The following NOMO2 variants were observed in gnomAD, a reference collection of about 807,000 sequenced individuals.
NOMO2 encodes the protein BOS complex subunit NOMO2.
NOMO2 carries 14 observed loss-of-function variants against 67.1 expected under a neutral mutation model. The ratio of observed to expected loss-of-function variants is 0.21; its 90% CI spans 0.14 to 0.33. NOMO2 has a LOEUF of 0.33. NOMO2 is among the 10% of genes least tolerant of loss of function. NOMO2 has a pLI of 1.00. For synonymous variants in NOMO2, 80 were observed against 305.9 expected, an observed-to-expected ratio of 0.26 and a Z score of 7.71; for missense variants, 178 against 761.0, an observed-to-expected ratio of 0.23 and a Z score of 9.01.
chr16:18,526,218 G>A lies in NOMO2; in HGVS notation c.1894+1319C>T, dbSNP rs573167817. 2.0e-5 allele frequency among the ~76,000 whole-genome samples: 3 copies of A among 152,188 alleles called. No homozygotes were observed. In the East Asian group the frequency reaches 5.8e-4, roughly 29 times the overall value. On this transcript the variant is annotated intron_variant, in intron 16 of 30. Coordinates refer to ENST00000622306, the MANE Select transcript of NOMO2 (RefSeq NM_173614.4). The stretch of plus-strand genomic sequence containing the variant: ...AAAATGCAAAACAAAACCACCATGA[G>A]ACACAACTTCACATCTACCAAGATG...
rs552580034 is a variant in NOMO2 at position 18,560,743 on chromosome 16, A to G, written c.165+1133T>C. ...TATAGGTACAAAAACTGAAACCTAGAGCAAGGGCAGGTCGCAGAGCTGATG... is the reference window on the plus strand; with the variant it reads ...TATAGGTACAAAAACTGAAACCTAGGGCAAGGGCAGGTCGCAGAGCTGATG... On this transcript the variant is annotated intron_variant, in intron 1 of 30. Coordinates refer to ENST00000622306, the MANE Select transcript of NOMO2 (RefSeq NM_173614.4). Among the ~76,000 whole-genome samples, 419 of 151,916 alleles carry G rather than the reference A, an allele frequency of 2.8e-3. 6 individuals are homozygous for G. Among genetic ancestry groups the G allele is most frequent in the African/African-American group, 9.6e-3 (398 of 41,396 alleles).
intron 11 of NOMO2, among the ~76,000 whole-genome samples, chr16:18,535,195 T>C (rs1901389052): frequency 1.4e-5 from 2 of 142,758 alleles, no homozygotes; most frequent in South Asian, 4.9e-4. Flanking sequence ...AATTAGCCTG[T>C]AATCCCAGCT....
At chr16:18,552,469 GCACACACACACACA>G (rs201636709) in intron 3 of NOMO2, among the ~76,000 whole-genome samples, 1 of 97,704 alleles carries the variant, frequency 1.0e-5, no homozygotes, top group South Asian at 4.0e-4. Flanking sequence ...ACGCGTACAT[GCACACACACACACA>G]CACACACACA....
rs1319402330 is a variant in NOMO2 at position 18,544,579 on chromosome 16, T to A, written c.583-810A>T. 3.9e-5 allele frequency among the ~76,000 whole-genome samples: 6 copies of A among 151,910 alleles called. No individual in the cohort carries two copies. The East Asian group carries it at 1.2e-3, about 29-fold the overall frequency. Reference sequence around the variant, plus strand: ...AACGTCCAGCTGTAACCAATCCAACTGTTTCTGTACCTCACTTCCACTTTC... The same window carrying A: ...AACGTCCAGCTGTAACCAATCCAACAGTTTCTGTACCTCACTTCCACTTTC... On this transcript the variant is annotated intron_variant, in intron 6 of 30. Coordinates refer to ENST00000622306, the MANE Select transcript of NOMO2 (RefSeq NM_173614.4).
chr16:18,558,948 G>T, intron 1 of NOMO2: 1 of 447,894 alleles, frequency 2.2e-6, no homozygotes, highest in South Asian at 1.6e-5. Flanking sequence ...AAAGAAGGAG[G>T]ATCACCTGAG....
At chr16:18,526,295 G>A (rs1237276766) in intron 16 of NOMO2, among the ~76,000 whole-genome samples, 3 of 152,068 alleles carry the variant, frequency 2.0e-5, no homozygotes, top group East Asian at 3.8e-4. Context: ...TGAAGAAACC[G>A]GAACCCTCGT....
upstream of NOMO2, chr16:18,562,102 G>A (rs1273963728): frequency 2.2e-6 from 3 of 1,362,354 alleles, no homozygotes; most frequent in East Asian, 3.0e-5. Context: ...CACACTGCAC[G>A]CCGCAGGCTC....
intron 6 of NOMO2, among the ~76,000 whole-genome samples, chr16:18,545,334 G>C (rs894086568): frequency 6.6e-6 from 1 of 151,144 alleles, no homozygotes; most frequent in Admixed American, 6.6e-5. Flanking sequence ...CTGACCTCAA[G>C]TGATCCACCC....
intron 1 of NOMO2, among the ~76,000 whole-genome samples, chr16:18,561,138 G>A (rs1198724769): frequency 1.8e-5 from 2 of 111,754 alleles, no homozygotes; most frequent in Non-Finnish European, 3.4e-5. Context: ...ATCCCACCGG[G>A]CTGATAAACA....
rs954164303 is a variant in NOMO2, at chr16:18,539,710, C to T, written c.964-746G>A. Among the ~76,000 whole-genome samples the T allele has an allele frequency of 4.6e-4, 70 of 151,690 alleles. 1 individual carries two copies. Among genetic ancestry groups the T allele is most frequent in the Middle Eastern group, 3.4e-3 (1 of 294 alleles). On this transcript the variant is annotated intron_variant, in intron 9 of 30. Transcript: ENST00000622306. ...ATGCGGAGGTTGCAGTGAGCCAAGA[C>T]AGTGCCAGCCTGTGTGACGCAGCAA...
chr16:18,540,106 T>A (rs1481907144), intron 9 of NOMO2, among the ~76,000 whole-genome samples: 1 of 151,246 alleles, frequency 6.6e-6, no homozygotes, highest in African/African-American at 2.4e-5. Context: ...CCTGAATGAA[T>A]GAATGTGTGC....
intron 16 of NOMO2, among the ~76,000 whole-genome samples, chr16:18,526,672 G>A (rs1036503660): frequency 1.1e-4 from 16 of 151,494 alleles, no homozygotes; most frequent in Non-Finnish European, 5.9e-5. Flanking sequence ...TACCAGCATC[G>A]TATGATAAAC....
At chr16:18,560,047 G>A (rs1367506422) in intron 1 of NOMO2, among the ~76,000 whole-genome samples, 1 of 151,680 alleles carries the variant, frequency 6.6e-6, no homozygotes, top group African/African-American at 2.4e-5. Flanking sequence ...AAACACTCAG[G>A]ATGGGAGAAA....
chr16:18,557,020 G>C (rs1158320498), intron 2 of NOMO2, among the ~76,000 whole-genome samples: 2 of 152,060 alleles, frequency 1.3e-5, no homozygotes, highest in South Asian at 2.1e-4. Context: ...CCAGCTATTC[G>C]GGAGGCCTAG....
In NOMO2 at chr16:18,529,636, T is replaced by C; in HGVS notation, c.1671A>G (p.Ile557Met). 1 of 1,584,060 alleles carries C rather than the reference T, an allele frequency of 6.3e-7. No homozygotes were observed. The highest frequency in any genetic ancestry group is 8.6e-7 in the Non-Finnish European group (1 of 1,159,790). ...AGCACCAATCCTCATGCATGATGCT[T>C]ACTGCAAAAGCAAACACCAAAAACG... Reference protein sequence around the residue: ...FDNVLPGKYKISIMHEDWCWK... With the variant: ...FDNVLPGKYKMSIMHEDWCWK... Residue 557 changes from isoleucine to methionine, a missense_variant and splice_region_variant, in exon 15 of 31, where the codon ATA becomes ATG. Coordinates refer to ENST00000622306, the MANE Select transcript of NOMO2 (RefSeq NM_173614.4).
intron 20 of NOMO2, among the ~76,000 whole-genome samples, chr16:18,520,392 A>G (rs1596840618): frequency 1.4e-5 from 2 of 146,296 alleles, no homozygotes; most frequent in African/African-American, 2.5e-5. Flanking sequence ...CCATCCATCC[A>G]TCCATCCATC....
intron 11 of NOMO2, among the ~76,000 whole-genome samples, chr16:18,535,253 G>C (rs1348601104): frequency 4.0e-5 from 6 of 150,276 alleles, no homozygotes; most frequent in Non-Finnish European, 8.9e-5. Flanking sequence ...AGAGGCGGAG[G>C]CTGCAGTGAG....
At chr16:18,559,810 G>T (rs1035766301) in intron 1 of NOMO2, among the ~76,000 whole-genome samples, 3 of 151,818 alleles carry the variant, frequency 2.0e-5, no homozygotes, top group African/African-American at 7.3e-5. Flanking sequence ...GAGAAATAAA[G>T]AACCCAGTTT....
intron 3 of NOMO2, among the ~76,000 whole-genome samples, chr16:18,554,359 C>T (rs1373641588): frequency 6.6e-6 from 1 of 151,858 alleles, no homozygotes; most frequent in African/African-American, 2.4e-5. Flanking sequence ...AGGTATAAGG[C>T]TGACAGTCTT....
Sources: allele counts gnomAD v4.1 joint callset (sites outside exome capture counted in the v4.1 genomes callset), GRCh38; gene constraint gnomAD v4.1.1; transcripts MANE v1.5; gene names NCBI Gene and HGNC (gene_info 2026-07-23, HGNC 2026-07-21).